RBFOX1: variants seen among roughly 807,000 people sequenced by gnomAD.
The protein encoded by RBFOX1 is RNA binding protein fox-1 homolog 1.
A neutral mutation model predicts 57.7 loss-of-function variants in RBFOX1; 8 were observed. The ratio of observed to expected loss-of-function variants is 0.14; its 90% CI spans 0.08 to 0.25. The LOEUF is 0.25. Ranked by LOEUF, RBFOX1 falls within the 10% of genes least tolerant of loss-of-function variation. RBFOX1 has a pLI of 1.00. For missense variants in RBFOX1, 611 were observed against 548.5 expected (o/e 1.11, Z -1.14); for synonymous variants, 326 against 222.4 (o/e 1.47, Z -4.15).
chr16:6,405,453 A>T (rs188451480), intron 2 of RBFOX1, among the ~76,000 whole-genome samples: 7 of 152,270 alleles, frequency 4.6e-5, no homozygotes, highest in African/African-American at 1.7e-4. Flanking sequence ...TCACCATCCC[A>T]CCACCGTATC....
chr16:7,265,317 C>A (rs544143269), intron 4 of RBFOX1, among the ~76,000 whole-genome samples: 1 of 151,860 alleles, frequency 6.6e-6, no homozygotes, highest in African/African-American at 2.4e-5. Context: ...GGCCTTCTCC[C>A]TGTATCTTCC....
At chr16:5,417,074 G>A (rs1187399472) in intron 1 of RBFOX1, among the ~76,000 whole-genome samples, 1 of 152,198 alleles carries the variant, frequency 6.6e-6, no homozygotes, top group Non-Finnish European at 1.5e-5. Flanking sequence ...GAATCCTACC[G>A]AAGTCTCACA....
chr16:7,156,638 A>G (rs1315064365), intron 4 of RBFOX1, among the ~76,000 whole-genome samples: 1 of 152,102 alleles, frequency 6.6e-6, no homozygotes, highest in Non-Finnish European at 1.5e-5. Flanking sequence ...CTGGAAGTCT[A>G]TGTATAATAC....
At chr16:6,344,533 G>A (rs954980057) in intron 2 of RBFOX1, among the ~76,000 whole-genome samples, 2 of 149,880 alleles carry the variant, frequency 1.3e-5, no homozygotes, top group Admixed American at 6.7e-5. Flanking sequence ...GAGTAGCTGG[G>A]ACTATAGGTA....
At chr16:6,347,399 C>T (rs915978041) in intron 2 of RBFOX1, among the ~76,000 whole-genome samples, 2 of 152,190 alleles carry the variant, frequency 1.3e-5, no homozygotes, top group Admixed American at 6.5e-5. Context: ...TTCCTTTCTT[C>T]TCATTTGGCT....
chr16:5,631,326 A>AGATG (rs2048499446), intron 3 of RBFOX1, among the ~76,000 whole-genome samples: 1 of 152,176 alleles, frequency 6.6e-6, no homozygotes, highest in Non-Finnish European at 1.5e-5. Context: ...TGGGAAGCCG[A>AGATG]GGCAGGTGGA....
chr16:5,658,406 G>T (rs1270309141), intron 3 of RBFOX1, among the ~76,000 whole-genome samples: 1 of 152,128 alleles, frequency 6.6e-6, no homozygotes, highest in Admixed American at 6.5e-5. Context: ...ACGTTCCAGG[G>T]TGATCATCTA....
intron 3 of RBFOX1, among the ~76,000 whole-genome samples, chr16:6,734,097 C>G (rs2069414477): frequency 6.6e-6 from 1 of 152,148 alleles, no homozygotes; most frequent in Non-Finnish European, 1.5e-5. Flanking sequence ...AAATTCCAGT[C>G]TTATTACCAG....
intron 3 of RBFOX1, among the ~76,000 whole-genome samples, chr16:7,045,672 C>A (rs1420685484): frequency 6.6e-6 from 1 of 151,042 alleles, no homozygotes; most frequent in Non-Finnish European, 1.5e-5. Context: ...TTCAATAGAG[C>A]GAGACATTGT....
chr16:7,683,568 C>G (rs962659898), intron 14 of RBFOX1, among the ~76,000 whole-genome samples: 1 of 152,020 alleles, frequency 6.6e-6, no homozygotes, highest in Admixed American at 6.6e-5. Flanking sequence ...CCGTAGCTGT[C>G]ACAGCCACGT....
chr16:7,467,034 T>G (rs2060649235), intron 4 of RBFOX1, among the ~76,000 whole-genome samples: 1 of 152,202 alleles, frequency 6.6e-6, no homozygotes, highest in Admixed American at 6.5e-5. Context: ...GTCTCTTATC[T>G]CTATGTAGCT....
At chr16:7,702,125 G>T (rs138018010) in intron 14 of RBFOX1, among the ~76,000 whole-genome samples, 3 of 152,106 alleles carry the variant, frequency 2.0e-5, no homozygotes, top group South Asian at 2.1e-4. Flanking sequence ...AAATGGATGC[G>T]CACTGGGATT....
At chr16:6,921,755 G>C (rs1304878402) in intron 3 of RBFOX1, among the ~76,000 whole-genome samples, 1 of 150,818 alleles carries the variant, frequency 6.6e-6, no homozygotes. Flanking sequence ...GTATGTGTGT[G>C]TGTATATATA....
chr16:6,051,337 C>T (rs2095549867), intron 1 of RBFOX1, among the ~76,000 whole-genome samples: 1 of 151,420 alleles, frequency 6.6e-6, no homozygotes, highest in African/African-American at 2.4e-5. Flanking sequence ...TCTTTCTTTC[C>T]TTTTTTTTGA....
Position 5,622,950 on chromosome 16 carries a change from C to A in RBFOX1, c.318+23989C>A, listed in dbSNP as rs570603886. ...GGCACTTACGTTGTATTGGCTATTA[C>A]AGGTAATCTATAGACAGTTTGAAGT... is the stretch of plus-strand genomic sequence containing the variant. On this transcript the variant is annotated intron_variant, in intron 3 of 19. Coordinates refer to the RBFOX1 transcript ENST00000641259. 2.0e-5 allele frequency among the ~76,000 whole-genome samples: 3 copies of A among 152,296 alleles called. No homozygotes were observed. The South Asian group carries it at 6.2e-4, about 32-fold the overall frequency.
intron 4 of RBFOX1, among the ~76,000 whole-genome samples, chr16:7,340,695 C>G (rs968942544): frequency 1.3e-5 from 2 of 152,178 alleles, no homozygotes; most frequent in South Asian, 4.1e-4. Flanking sequence ...GCAAACAGAG[C>G]CTTCCAGTTA....
chr16:6,435,597 C>A (rs867866227), intron 2 of RBFOX1, among the ~76,000 whole-genome samples: 8 of 152,240 alleles, frequency 5.3e-5, no homozygotes, highest in African/African-American at 1.9e-4. Context: ...AGCCACCATG[C>A]CTGGCCAGTA....
intron 4 of RBFOX1, among the ~76,000 whole-genome samples, chr16:6,013,690 A>G (rs1373518265): frequency 6.6e-6 from 1 of 152,146 alleles, no homozygotes; most frequent in Non-Finnish European, 1.5e-5. Flanking sequence ...ATCTATTTAA[A>G]AAGGAAATAA....
At chr16:6,616,372 A>G (rs1263949910) in intron 2 of RBFOX1, among the ~76,000 whole-genome samples, 1 of 152,104 alleles carries the variant, frequency 6.6e-6, no homozygotes, top group Non-Finnish European at 1.5e-5. Context: ...AATACAGTAA[A>G]AATGTTTGGT....
Sources: gnomAD v4.1 joint callset for allele counts (sites outside exome capture counted in the v4.1 genomes callset) on GRCh38, gnomAD v4.1.1 for gene constraint, MANE v1.5 for transcripts, NCBI Gene and HGNC (gene_info 2026-07-23, HGNC 2026-07-21) for gene names.